The following RASGRF2 variants were observed in gnomAD, a reference collection of about 807,000 sequenced individuals.
The protein encoded by RASGRF2 is ras-specific guanine nucleotide-releasing factor 2.
In RASGRF2, 76 loss-of-function variants were observed where a neutral mutation model predicts 151.0. The observed-to-expected ratio is 0.50, with a 90% CI of 0.42 to 0.61. RASGRF2 has a LOEUF of 0.61. Among genes scored for constraint, RASGRF2 ranks in the 20% least tolerant of loss-of-function variants. The pLI, the probability that RASGRF2 is intolerant of heterozygous loss-of-function variation, is 0.00. For missense variants in RASGRF2, 1,148 were observed against 1,564.6 expected (o/e 0.73, Z 4.49); for synonymous variants, 504 against 566.5 (o/e 0.89, Z 1.57).
At chr5:80,977,526 A>C (rs1274400598) in intron 1 of RASGRF2, among the ~76,000 whole-genome samples, 2 of 152,062 alleles carry the variant, frequency 1.3e-5, no homozygotes, top group African/African-American at 2.4e-5. Context: ...GCAATGACAC[A>C]ATCTCAGCTC....
intron 17 of RASGRF2, among the ~76,000 whole-genome samples, chr5:81,175,755 CAAAA>C (rs33931356): frequency 3.0e-5 from 3 of 99,536 alleles, no homozygotes; most frequent in Non-Finnish European, 4.1e-5. Flanking sequence ...AACTCCGTCT[CAAAA>C]AAAAAAAAAA....
At chr5:81,065,750 C>T (rs1029236350) in intron 2 of RASGRF2, among the ~76,000 whole-genome samples, 10 of 152,286 alleles carry the variant, frequency 6.6e-5, no homozygotes, top group Admixed American at 3.3e-4. Flanking sequence ...CCTCTACTCT[C>T]ATTTCCCCAC....
chr5:81,118,060 A>G (rs966298581), intron 15 of RASGRF2, among the ~76,000 whole-genome samples: 3 of 152,168 alleles, frequency 2.0e-5, no homozygotes. Flanking sequence ...CATAGATTAG[A>G]GCCTCTTGTC....
chr5:81,027,100 T>A (rs435707), intron 1 of RASGRF2, among the ~76,000 whole-genome samples: 27,319 of 152,136 alleles, frequency 0.18, 2,559 homozygotes, highest in Admixed American at 0.26. Context: ...GTTTTCAGTA[T>A]ATTAGCCAGC....
intron 2 of RASGRF2, among the ~76,000 whole-genome samples, chr5:81,054,294 A>G (rs1751123742): frequency 6.6e-6 from 1 of 151,942 alleles, no homozygotes; most frequent in Middle Eastern, 3.2e-3. Context: ...TCTTGAATTA[A>G]TTTTTGTATA....
chr5:81,050,317 C>T (rs1750971514), intron 2 of RASGRF2, among the ~76,000 whole-genome samples: 1 of 152,086 alleles, frequency 6.6e-6, no homozygotes, highest in Non-Finnish European at 1.5e-5. Flanking sequence ...TCCGGGGTTC[C>T]CAGTTGCTTT....
chr5:81,094,184 C>A, intron 10 of RASGRF2, 112 bp from the exon 11 acceptor site: 1 of 759,374 alleles, frequency 1.3e-6, no homozygotes, highest in Non-Finnish European at 2.1e-6. Context: ...ATTTATGATG[C>A]AGAATTGCTA....
At chr5:81,201,272 T>A in intron 18 of RASGRF2, 58 bp from the exon 19 acceptor site, 1 of 1,548,152 alleles carries the variant, frequency 6.5e-7, no homozygotes, top group Non-Finnish European at 8.7e-7. Context: ...TGGTGTCATG[T>A]GTCATAGAGC....
intron 1 of RASGRF2, among the ~76,000 whole-genome samples, chr5:80,967,041 C>T (rs1373758580): frequency 2.0e-5 from 3 of 152,106 alleles, no homozygotes; most frequent in Non-Finnish European, 1.5e-5. Flanking sequence ...TTTTAATTCT[C>T]ATAAGATCTG....
chr5:81,042,144 G>C (rs1750696270), intron 1 of RASGRF2, among the ~76,000 whole-genome samples: 1 of 152,112 alleles, frequency 6.6e-6, no homozygotes, highest in Non-Finnish European at 1.5e-5. Flanking sequence ...GCTTATATGA[G>C]AGAAATTATT....
Position 81,094,352 on chromosome 5 carries a change from C to G in RASGRF2, c.1608C>G (p.Ser536Arg), listed in dbSNP as rs199615105. 1 of 1,612,462 alleles carries G rather than the reference C, an allele frequency of 6.2e-7. No individual in the cohort carries two copies. The highest frequency in any genetic ancestry group is 1.7e-5 in the Admixed American group (1 of 59,948). ...CATTGATTGAGGAGCCAGATGCAAG[C>G]GATGATGACTGTAAGTCACCTTCGA... ...DCTLIEEPDA[S>R]DDDSKGSGQV... The change falls in exon 11 of 27, where the codon AGC (serine) becomes AGG (arginine). Residue 536 changes from serine (S) to arginine (R), a missense_variant. Physicochemically the swap from Ser to Arg is moderately radical, Grantham distance 110 (BLOSUM62 -1). Transcript: ENST00000265080.
At chr5:81,042,059 G>A (rs904439485) in intron 1 of RASGRF2, among the ~76,000 whole-genome samples, 2 of 152,106 alleles carry the variant, frequency 1.3e-5, no homozygotes, top group African/African-American at 2.4e-5. Context: ...TTGTTTGGAT[G>A]TATTGCATTT....
intron 17 of RASGRF2, among the ~76,000 whole-genome samples, chr5:81,163,214 A>G (rs1386253380): frequency 6.6e-6 from 1 of 151,998 alleles, no homozygotes; most frequent in Non-Finnish European, 1.5e-5. Flanking sequence ...GCAGCAGGAA[A>G]ATAGCCTCCA....
intron 7 of RASGRF2, among the ~76,000 whole-genome samples, chr5:81,082,472 G>A (rs1752114145): frequency 6.6e-6 from 1 of 152,182 alleles, no homozygotes. Flanking sequence ...GAGACCTGAT[G>A]TCTCACTCAT....
intron 12 of RASGRF2, among the ~76,000 whole-genome samples, chr5:81,107,622 C>T (rs534600196): frequency 1.6e-4 from 24 of 152,284 alleles, no homozygotes; most frequent in Admixed American, 9.8e-4. Flanking sequence ...TTTCAGGCTT[C>T]GTCTTATTGT....
chr5:81,037,847 C>G (rs1750552907), intron 1 of RASGRF2, among the ~76,000 whole-genome samples: 1 of 152,170 alleles, frequency 6.6e-6, no homozygotes, highest in Non-Finnish European at 1.5e-5. Context: ...TATCCTTTCT[C>G]CCCTAAAGAA....
chr5:81,174,667 T>C (rs1754732586), intron 17 of RASGRF2, among the ~76,000 whole-genome samples: 1 of 152,216 alleles, frequency 6.6e-6, no homozygotes, highest in Non-Finnish European at 1.5e-5. Flanking sequence ...AGATTGTCTA[T>C]ATCAGTCACT....
In RASGRF2 at chr5:81,017,052, T is replaced by C. The variant is rs1267105697; in HGVS notation, c.289-25825T>C. Among the ~76,000 whole-genome samples, 3 of 152,162 alleles carry C rather than the reference T, an allele frequency of 2.0e-5. No individual in the cohort carries two copies. The East Asian group carries it at 5.8e-4, about 29-fold the overall frequency. ...TAATTGTCATACATCCCTTTCTTCT[T>C]TTCCTCATGCATGAACACATTTATC... On this transcript the variant is annotated intron_variant, in intron 1 of 26. Coordinates refer to ENST00000265080, the MANE Select transcript of RASGRF2 (RefSeq NM_006909.3).
intron 13 of RASGRF2, among the ~76,000 whole-genome samples, chr5:81,109,478 A>C (rs1752937977): frequency 6.6e-6 from 1 of 152,234 alleles, no homozygotes; most frequent in Non-Finnish European, 1.5e-5. Flanking sequence ...CATCCTGGCC[A>C]ACATGGTGAA....
Sources: allele counts gnomAD v4.1 joint callset (sites outside exome capture counted in the v4.1 genomes callset), GRCh38; gene constraint gnomAD v4.1.1; transcripts MANE v1.5; gene names NCBI Gene and HGNC (gene_info 2026-07-23, HGNC 2026-07-21).